Variants in NEO1 observed in about 807,000 individuals in gnomAD.
The protein encoded by NEO1 is neogenin 1, also known as neogenin.
Under a neutral mutation model 159.7 loss-of-function variants are expected in NEO1, and 63 were observed. The ratio of observed to expected loss-of-function variants is 0.39; its 90% CI spans 0.32 to 0.49. The LOEUF is 0.49. Ranked by LOEUF, NEO1 falls within the 20% of genes least tolerant of loss-of-function variation. NEO1 has a pLI of 0.85. For synonymous variants in NEO1, 633 were observed against 662.0 expected, an observed-to-expected ratio of 0.96 and a Z score of 0.67; for missense variants, 1,615 against 1,831.0, an observed-to-expected ratio of 0.88 and a Z score of 2.15.
chr15:73,110,090 G>T (rs1252264554), intron 1 of NEO1, among the ~76,000 whole-genome samples: 1 of 152,108 alleles, frequency 6.6e-6, no homozygotes, highest in East Asian at 1.9e-4. Context: ...ATTTTCTAAG[G>T]TAGTTGAGAA....
chr15:73,167,361 T>C (rs567476823), intron 5 of NEO1, among the ~76,000 whole-genome samples: 6 of 152,288 alleles, frequency 3.9e-5, no homozygotes, highest in Non-Finnish European at 7.4e-5. Flanking sequence ...TGTTTTAAGC[T>C]GCTATTACCC....
intron 5 of NEO1, among the ~76,000 whole-genome samples, chr15:73,145,666 G>C (rs908615023): frequency 2.6e-5 from 4 of 152,106 alleles, no homozygotes; most frequent in Non-Finnish European, 5.9e-5. Context: ...ATGACGAAAA[G>C]TAAGATCCCA....
chr15:73,302,586 C>G, intron 28 of NEO1, 27 bp from the exon 29 acceptor site: 1 of 1,604,550 alleles, frequency 6.2e-7, no homozygotes, highest in South Asian at 1.1e-5. Flanking sequence ...TGGATCCAGC[C>G]CAGTAACAGT....
intron 1 of NEO1, among the ~76,000 whole-genome samples, chr15:73,059,823 T>C (rs2151236791): frequency 6.6e-6 from 1 of 152,310 alleles, no homozygotes; most frequent in South Asian, 2.1e-4. Flanking sequence ...TACTGCAGTG[T>C]TTGAATGTAT....
intron 22 of NEO1, among the ~76,000 whole-genome samples, chr15:73,281,411 G>C (rs979139326): frequency 2.0e-5 from 3 of 151,388 alleles, no homozygotes. Flanking sequence ...CCGCCACCAT[G>C]CCCGGCTAAT....
intron 1 of NEO1, among the ~76,000 whole-genome samples, chr15:73,115,199 T>C (rs374122482): frequency 6.6e-6 from 1 of 152,140 alleles, no homozygotes; most frequent in Non-Finnish European, 1.5e-5. Context: ...TGTGCCACCA[T>C]GCCTGGCTAA....
At chr15:73,206,294 G>T (rs74022927) in intron 7 of NEO1, among the ~76,000 whole-genome samples, 1,949 of 151,990 alleles carry the variant, frequency 0.013, 31 homozygotes, top group African/African-American at 0.044. Flanking sequence ...TTCCTTATTT[G>T]CTGTTTCCTT....
At chr15:73,136,126 C>T in intron 5 of NEO1, 99 bp downstream of exon 5, 1 of 1,010,758 alleles carries the variant, frequency 9.9e-7, no homozygotes, top group East Asian at 2.7e-5. Flanking sequence ...TACAGCAAAA[C>T]AATTAAAAGC....
chr15:73,117,999 A>G (rs1468567895), intron 2 of NEO1, among the ~76,000 whole-genome samples: 6 of 151,506 alleles, frequency 4.0e-5, no homozygotes. Context: ...AACATGTTTC[A>G]TAAATAAATT....
intron 8 of NEO1, among the ~76,000 whole-genome samples, chr15:73,243,428 T>C (rs1357909538): frequency 6.6e-6 from 1 of 152,270 alleles, no homozygotes; most frequent in African/African-American, 2.4e-5. Flanking sequence ...TTTAATTACT[T>C]TCTCAAGACA....
chr15:73,170,749 C>T (rs2034904220), intron 5 of NEO1, among the ~76,000 whole-genome samples: 1 of 152,102 alleles, frequency 6.6e-6, no homozygotes, highest in Non-Finnish European at 1.5e-5. Flanking sequence ...TATTCTGCCC[C>T]TTTTCGAAGT....
At chr15:73,091,433 AAAAC>A (rs1187793856) in intron 1 of NEO1, among the ~76,000 whole-genome samples, 1 of 152,212 alleles carries the variant, frequency 6.6e-6, no homozygotes, top group Non-Finnish European at 1.5e-5. Flanking sequence ...TTATTCCAGA[AAAAC>A]AAATACTTAA....
chr15:73,162,899 G>T (rs532161742), intron 5 of NEO1: 7 of 185,392 alleles, frequency 3.8e-5, no homozygotes, highest in African/African-American at 1.4e-4. Flanking sequence ...CAGGCCTCAG[G>T]GGCTCATGTT....
At chr15:73,246,008 C>T (rs1401855285) in intron 9 of NEO1, among the ~76,000 whole-genome samples, 1 of 152,140 alleles carries the variant, frequency 6.6e-6, no homozygotes, top group Non-Finnish European at 1.5e-5. Flanking sequence ...GTAGAGGCTA[C>T]TGACCAGGCA....
chr15:73,164,727 A>G lies in NEO1; in HGVS notation c.1016-11676A>G, dbSNP rs75423142. Among the ~76,000 whole-genome samples, 115 of 152,330 alleles carry G rather than the reference A, an allele frequency of 7.5e-4. 1 individual carries two copies. The highest frequency in any genetic ancestry group is 2.7e-3 in the African/African-American group (111 of 41,584). The stretch of plus-strand genomic sequence containing the variant: ...CATGCATACAAAGATATGTACAAGG[A>G]TGCATATTATAGCATTTACCTGTAG... On this transcript the variant is annotated intron_variant, in intron 5 of 28. Transcript: ENST00000261908.
chr15:73,296,678 C>T (rs959907366), intron 26 of NEO1, among the ~76,000 whole-genome samples: 5 of 152,194 alleles, frequency 3.3e-5, no homozygotes, highest in Admixed American at 1.3e-4. Context: ...CCCCTCCCCC[C>T]GCAGTGGAGG....
chr15:73,162,931 G>T, intron 5 of NEO1: 1 of 180,584 alleles, frequency 5.5e-6, no homozygotes, highest in South Asian at 1.4e-4. Context: ...AATCTTCCAT[G>T]GGGTGGTGGC....
chr15:73,244,898 T>G lies in NEO1; in HGVS notation c.1606+400T>G, dbSNP rs1477679745. 2.3e-5 allele frequency among the ~76,000 whole-genome samples: 3 copies of G among 128,718 alleles called. No individual in the cohort carries two copies. The East Asian group carries it at 6.8e-4, about 29-fold the overall frequency. 84.4% of individuals were successfully genotyped at this position (128,718 alleles called of 152,430 possible). A position where few individuals can be genotyped will look rare whatever the true frequency, so the allele number is the denominator to read the frequency against. ...TGAACCCAAGAGGTGGAGGTTGCAGTGAGCTGAGATTGCACCACTGTACTC... is the reference window on the plus strand; with the variant it reads ...TGAACCCAAGAGGTGGAGGTTGCAGGGAGCTGAGATTGCACCACTGTACTC... On this transcript the variant is annotated intron_variant, in intron 9 of 28. Coordinates refer to ENST00000261908, the MANE Select transcript of NEO1 (RefSeq NM_002499.4).
At chr15:73,284,660 A>T (rs1459830074) in intron 23 of NEO1, among the ~76,000 whole-genome samples, 2 of 143,722 alleles carry the variant, frequency 1.4e-5, no homozygotes, top group African/African-American at 5.2e-5. Context: ...TTCTTGGCTC[A>T]CTGCAACCTC....
Sources: gnomAD v4.1 joint callset for allele counts (sites outside exome capture counted in the v4.1 genomes callset) on GRCh38, gnomAD v4.1.1 for gene constraint, MANE v1.5 for transcripts, NCBI Gene and HGNC (gene_info 2026-07-23, HGNC 2026-07-21) for gene names.